MT1E: variants seen among roughly 807,000 people sequenced by gnomAD.
MT1E encodes metallothionein 1E, also known as metallothionein-1E.
MT1E carries 1 observed loss-of-function variant against 2.4 expected under a neutral mutation model. The ratio of observed to expected loss-of-function variants is 0.41; its 90% CI spans 0.15 to 1.97. MT1E has a LOEUF of 1.97. Ranked by LOEUF, MT1E falls within the 30% of genes most tolerant of loss-of-function variation. MT1E has a pLI of 0.30. For synonymous variants in MT1E, 78 were observed against 63.0 expected (o/e 1.24, Z -1.13); for missense variants, 145 against 149.6 (o/e 0.97, Z 0.16).
In MT1E at chr16:56,626,701, A is replaced by AT. The variant is rs1960214753; in HGVS notation, c.269dup (p.Ser91LeufsTer98). On this transcript the variant is annotated frameshift_variant, in exon 2 of 2. Coordinates refer to ENST00000330439, the MANE Select transcript of MT1E (RefSeq NM_001363555.2). LOFTEE classifies it low-confidence loss of function (END_TRUNC). ...CTAAATTCAGATGGGGCAGGACAGC[A>AT]TTTTTCTCGTGGGACACAAACCCCA... 3.1e-6 allele frequency: 5 copies of AT among 1,589,480 alleles called. No homozygotes were observed. The East Asian group carries it at 1.1e-4, about 36-fold the overall frequency.
At position 56,625,817 on chromosome 16, in the gene MT1E, C is replaced by A. The variant is rs202120239; in HGVS notation, c.-35C>A. ...CAACTGCCTGACTGCTTGTTCGTCT[C>A]ACTGGTGTGAGCTCCAGCATCCCCT... is the stretch of plus-strand genomic sequence containing the variant. On this transcript the variant is annotated 5_prime_UTR_variant, in exon 1 of 2. Coordinates refer to ENST00000330439, the MANE Select transcript of MT1E (RefSeq NM_001363555.2). The A allele has an allele frequency of 2.6e-4, 423 of 1,612,602 alleles. 2 individuals carry two copies. The highest frequency in any genetic ancestry group is 1.8e-3 in the African/African-American group (138 of 75,014).
Position 56,626,505 on chromosome 16 carries a change from A to G in MT1E, c.68A>G (p.Glu23Gly). Residue 23 changes from glutamate to glycine, a missense_variant, in exon 2 of 2, where the codon GAG becomes GGG. Transcript: ENST00000330439. ...TGCGCCGGCTCCTGCAAGTGCAAAG[A>G]GTGCAAATGCACCTCCTGCAAGAAG... ...CTCAGSCKCK[E>G]CKCTSCKKSE... 1 of 1,614,248 alleles carries G rather than the reference A, an allele frequency of 6.2e-7. No homozygotes were observed. Among genetic ancestry groups the G allele is most frequent in the South Asian group, 1.1e-5 (1 of 91,086 alleles).
Position 56,626,628 on chromosome 16 carries a change from T to C in MT1E, c.191T>C (p.Leu64Pro). 6.2e-7 allele frequency: 1 copy of C among 1,613,132 alleles called. No homozygotes were observed. The highest frequency in any genetic ancestry group is 8.5e-7 in the Non-Finnish European group (1 of 1,179,532). The change falls in exon 2 of 2, where the codon CTT becomes CCT. Residue 64 changes from leucine to proline, a missense_variant. Transcript: ENST00000330439. ...ALSASFWGTG[L>P]SLPSLPVSFP... ...AGTGCATCCTTCTGGGGAACTGGGCTTTCTTTGCCCTCATTGCCCGTGTCA... is the reference window on the plus strand; with the variant it reads ...AGTGCATCCTTCTGGGGAACTGGGCCTTCTTTGCCCTCATTGCCCGTGTCA...
rs776167544 is a variant in MT1E at position 56,625,836 on chromosome 16, A to G, written c.-16A>G. On this transcript the variant is annotated 5_prime_UTR_variant, in exon 1 of 2. Coordinates refer to ENST00000330439, the MANE Select transcript of MT1E (RefSeq NM_001363555.2). ...TCGTCTCACTGGTGTGAGCTCCAGCATCCCCTTTGCTCGAAATGGACCCCA... is the reference window on the plus strand; with the variant it reads ...TCGTCTCACTGGTGTGAGCTCCAGCGTCCCCTTTGCTCGAAATGGACCCCA... 16 of 1,613,128 alleles carry G rather than the reference A, an allele frequency of 9.9e-6. No homozygotes were observed. The African/African-American group carries it at 2.1e-4, about 22-fold the overall frequency.
chr16:56,626,427 T>A (rs768599830), intron 1 of MT1E, 39 bp from the exon 2 acceptor site: 1 of 1,614,230 alleles, frequency 6.2e-7, no homozygotes, highest in Non-Finnish European at 8.5e-7. Flanking sequence ...ACCTTCTGCA[T>A]CTCACTCACT....
chr16:56,625,792 C>T lies in MT1E; in HGVS notation c.-60C>T. On this transcript the variant is annotated 5_prime_UTR_variant, in exon 1 of 2. Coordinates refer to ENST00000330439, the MANE Select transcript of MT1E (RefSeq NM_001363555.2). ...AGTTGCAGGGCTCCATTCTGCTTTC[C>T]AACTGCCTGACTGCTTGTTCGTCTC... 6.2e-7 allele frequency: 1 copy of T among 1,604,182 alleles called. No individual in the cohort carries two copies. Among genetic ancestry groups the T allele is most frequent in the Middle Eastern group, 2.2e-4 (1 of 4,572 alleles).
In MT1E at chr16:56,626,686, A is replaced by T. The variant is rs1313144318; in HGVS notation, c.249A>T (p.Arg83Ser). The change falls in exon 2 of 2, where the codon AGA becomes AGT. Residue 83 changes from arginine to serine, a missense_variant. Coordinates refer to ENST00000330439, the MANE Select transcript of MT1E (RefSeq NM_001363555.2). ...FPLQAFCPKF[R>S]WGRTAFFSWD... ...TCCAGGCTTTCTGCCCTAAATTCAG[A>T]TGGGGCAGGACAGCATTTTTCTCGT... 1.3e-5 allele frequency: 20 copies of T among 1,590,216 alleles called. No individual in the cohort carries two copies. The highest frequency in any genetic ancestry group is 1.7e-5 in the Non-Finnish European group (20 of 1,168,286).
Position 56,625,895 on chromosome 16 carries a change from C to T in MT1E, c.28+16C>T. 1.2e-6 allele frequency: 2 copies of T among 1,613,892 alleles called. No individual in the cohort carries two copies. The highest frequency in any genetic ancestry group is 1.7e-6 in the Non-Finnish European group (2 of 1,180,000). On this transcript the variant is annotated intron_variant, in intron 1 of 1. Coordinates refer to ENST00000330439, the MANE Select transcript of MT1E (RefSeq NM_001363555.2). ...TGCGCCACTGGTAAGGGAAGCTCTG[C>T]GCCCTGGAATCCCCATTTCCCAGCC...
Position 56,626,597 on chromosome 16 carries a change from G to A in MT1E, c.160G>A (p.Ala54Thr). 6.2e-7 allele frequency: 1 copy of A among 1,614,178 alleles called. No individual in the cohort carries two copies. Among genetic ancestry groups the A allele is most frequent in the Admixed American group, 1.7e-5 (1 of 60,024 alleles). The change falls in exon 2 of 2, where the codon GCC becomes ACC. Residue 54 changes from alanine to threonine, a missense_variant. Ala to Thr is a moderately conservative substitution (Grantham distance 58). Transcript: ENST00000330439. ...CAGGTTGGGAGGGAACTCAAGGCTG[G>A]CCCTGAGTGCATCCTTCTGGGGAAC... The part of the protein sequence containing the change: ...WLRLGGNSRL[A>T]LSASFWGTGL...
chr16:56,626,831 G>C lies in MT1E; in HGVS notation c.*10G>C. The C allele has an allele frequency of 6.2e-7, 1 of 1,614,170 alleles. No homozygotes were observed. The highest frequency in any genetic ancestry group is 8.5e-7 in the Non-Finnish European group (1 of 1,180,028). On this transcript the variant is annotated 3_prime_UTR_variant, in exon 2 of 2. Transcript: ENST00000330439. Reference sequence around the variant, plus strand: ...CCAGGCTTGCTATTAGGGCAGGGAGGTGCCCGGTCAAGTCTACTGCCACCT... The same window carrying C: ...CCAGGCTTGCTATTAGGGCAGGGAGCTGCCCGGTCAAGTCTACTGCCACCT...
Sources: gnomAD v4.1 joint callset for allele counts on GRCh38, gnomAD v4.1.1 for gene constraint, MANE v1.5 for transcripts, NCBI Gene and HGNC (gene_info 2026-07-23, HGNC 2026-07-21) for gene names.